Variants in CX3CL1 observed in about 807,000 individuals in gnomAD.
CX3CL1 encodes fractalkine.
In CX3CL1, 1 loss-of-function variant was observed where a neutral mutation model predicts 14.1. The ratio of observed to expected loss-of-function variants is 0.07; its 90% CI spans 0.03 to 0.34. CX3CL1 has a LOEUF of 0.34. Among genes scored for constraint, CX3CL1 ranks in the 10% least tolerant of loss-of-function variants. CX3CL1 has a pLI of 0.99. For synonymous variants in CX3CL1, 255 were observed against 229.6 expected (o/e 1.11, Z -1.00); for missense variants, 505 against 536.4 (o/e 0.94, Z 0.58).
At chr16:57,372,772 G>A (rs573899501) in intron 1 of CX3CL1, 134 bp downstream of exon 1, 1 of 809,414 alleles carries the variant, frequency 1.2e-6, no homozygotes, top group Admixed American at 2.4e-5. Flanking sequence ...CTTCCCCAGG[G>A]ATGTGCGAGA....
intron 1 of CX3CL1, among the ~76,000 whole-genome samples, chr16:57,374,966 C>T (rs1441230242): frequency 6.6e-6 from 1 of 151,974 alleles, no homozygotes; most frequent in East Asian, 1.9e-4. Context: ...CATCATGAAA[C>T]CCTGTCTCTA....
At chr16:57,375,461 G>A (rs1331864346) in intron 1 of CX3CL1, among the ~76,000 whole-genome samples, 3 of 152,146 alleles carry the variant, frequency 2.0e-5, no homozygotes, top group Non-Finnish European at 4.4e-5. Flanking sequence ...TATAGTACCC[G>A]GGACAGCCCC....
At chr16:57,381,702 A>T (rs1259145909) in intron 2 of CX3CL1, among the ~76,000 whole-genome samples, 1 of 152,182 alleles carries the variant, frequency 6.6e-6, no homozygotes, top group Non-Finnish European at 1.5e-5. Context: ...TAGGGTGATC[A>T]ACTCGTCCGT....
rs1443177506 is a variant in CX3CL1, at chr16:57,383,151, G to C, written c.*119G>C. On this transcript the variant is annotated 3_prime_UTR_variant, in exon 3 of 3. Coordinates refer to ENST00000006053, the MANE Select transcript of CX3CL1 (RefSeq NM_002996.6). Reference sequence around the variant, plus strand: ...TGGGATGATTGGAGGGGGGAGGTGGGATCCTCCAGGTGCACAAGCTCCAAG... The same window carrying C: ...TGGGATGATTGGAGGGGGGAGGTGGCATCCTCCAGGTGCACAAGCTCCAAG... 8.6e-6 allele frequency: 8 copies of C among 931,478 alleles called. No homozygotes were observed. The highest frequency in any genetic ancestry group is 1.0e-5 in the Non-Finnish European group (7 of 685,376). 57.7% of individuals were successfully genotyped at this position (931,478 alleles called of 1,614,324 possible). A position where few individuals can be genotyped will look rare whatever the true frequency, so the allele number is the denominator to read the frequency against.
Position 57,372,842 on chromosome 16 carries a change from G to A in CX3CL1, c.70+204G>A, listed in dbSNP as rs558286943. Among the ~76,000 whole-genome samples the A allele has an allele frequency of 3.9e-5, 6 of 152,176 alleles. No homozygotes were observed. In the East Asian group the frequency reaches 7.7e-4, roughly 20 times the overall value. On this transcript the variant is annotated intron_variant, in intron 1 of 2. Transcript: ENST00000006053. ...GCTGGACAGATTTCCAGTTGCCAGC[G>A]ACCGCCCTGCCTGGCCCAGCGAGCA...
intron 1 of CX3CL1, chr16:57,379,241 G>A (rs139041583): frequency 0.018 from 3,878 of 218,974 alleles, 155 homozygotes; most frequent in African/African-American, 0.082. Flanking sequence ...CAGGAGAATC[G>A]CTTGAATCTG....
At chr16:57,380,822 C>T (rs1254152815) in intron 2 of CX3CL1, among the ~76,000 whole-genome samples, 2 of 152,142 alleles carry the variant, frequency 1.3e-5, no homozygotes. Flanking sequence ...CTAAAGCAGC[C>T]TCAGCCAGAC....
Position 57,383,046 on chromosome 16 carries a change from G to A in CX3CL1, c.*14G>A, listed in dbSNP as rs755021939. 2 of 1,398,512 alleles carry A rather than the reference G, an allele frequency of 1.4e-6. No homozygotes were observed. Among genetic ancestry groups the A allele is most frequent in the South Asian group, 2.0e-5 (1 of 49,680 alleles). The allele number at this position is 1,398,512 out of a possible 1,614,324, so 86.6% of individuals were successfully genotyped here. On this transcript the variant is annotated 3_prime_UTR_variant, in exon 3 of 3. Coordinates refer to ENST00000006053, the MANE Select transcript of CX3CL1 (RefSeq NM_002996.6). ...GTGCCCGTGTGAACTCCTCTGGCCTGTGTCTAGTTGTTTGATTCAGACAGC... is the reference window on the plus strand; with the variant it reads ...GTGCCCGTGTGAACTCCTCTGGCCTATGTCTAGTTGTTTGATTCAGACAGC...
rs1902329883 is a variant in CX3CL1, at chr16:57,382,157, A to G, written c.319A>G (p.Ile107Val). ...AAATGGCGGCACCTTCGAGAAGCAGATCGGCGAGGTGAAGCCCAGGACCAC... is the reference window on the plus strand; with the variant it reads ...AAATGGCGGCACCTTCGAGAAGCAGGTCGGCGAGGTGAAGCCCAGGACCAC... ...TRNGGTFEKQ[I>V]GEVKPRTTPA... is the part of the protein sequence containing the mutation. Residue 107 changes from isoleucine (I) to valine (V), a missense_variant, in exon 3 of 3, where the codon ATC (isoleucine) becomes GTC (valine). Transcript: ENST00000006053. This position sits in a 1 kb window ranked among gnomAD's most constrained non-coding sequence, Gnocchi z 6.9. 1 of 1,613,868 alleles carries G rather than the reference A, an allele frequency of 6.2e-7. No individual in the cohort carries two copies. Among genetic ancestry groups the G allele is most frequent in the Admixed American group, 1.7e-5 (1 of 60,018 alleles).
At chr16:57,379,598 G>T (rs1902291360) in intron 1 of CX3CL1, 36 bp from the exon 2 acceptor site, 1 of 1,613,778 alleles carries the variant, frequency 6.2e-7, no homozygotes, top group South Asian at 1.1e-5. Flanking sequence ...GATGCCCACA[G>T]ACATCCCTGC....
intron 1 of CX3CL1, chr16:57,378,529 TCTC>T (rs1902275237): frequency 6.6e-6 from 1 of 151,530 alleles, no homozygotes; most frequent in Non-Finnish European, 1.5e-5. Flanking sequence ...AGTGGTATGA[TCTC>T]AGCTCACTGC....
chr16:57,381,410 A>G (rs1902317961), intron 2 of CX3CL1, among the ~76,000 whole-genome samples: 1 of 152,162 alleles, frequency 6.6e-6, no homozygotes. Flanking sequence ...GCCCGTGAAC[A>G]CACATCAGGA....
chr16:57,382,558 T>G lies in CX3CL1; in HGVS notation c.720T>G (p.Ala240=). The G allele has an allele frequency of 6.2e-7, 1 of 1,613,902 alleles. No homozygotes were observed. Among genetic ancestry groups the G allele is most frequent in the South Asian group, 1.1e-5 (1 of 91,084 alleles). The stretch of plus-strand genomic sequence containing the variant: ...CCTCCCCAGCCCCAGAGGAGAATGC[T>G]CCGTCTGAAGGCCAGCGTGTGTGGG... ...TASSPAPEEN[A]PSEGQRVWGQ... Residue 240 remains alanine, a synonymous_variant, in exon 3 of 3, where the codon GCT becomes GCG. Transcript: ENST00000006053. This position sits in a 1 kb window ranked among gnomAD's most constrained non-coding sequence, Gnocchi z 6.9.
In CX3CL1 at chr16:57,382,623, GGGA is replaced by G. The variant is rs1189145348; in HGVS notation, c.790_792del (p.Glu264del). 11 of 1,613,732 alleles carry G rather than the reference GGGA, an allele frequency of 6.8e-6. No individual in the cohort carries two copies. The African/African-American group carries it at 1.3e-4, about 20-fold the overall frequency. On this transcript the variant is annotated inframe_deletion, in exon 3 of 3. Transcript: ENST00000006053. This position sits in a 1 kb window ranked among gnomAD's most constrained non-coding sequence, Gnocchi z 6.9. ...CCCAGGCCAGAGAACTCTCTGGAGC[GGGA>G]GGAGATGGGTCCCGTGCCAGCGCAC...
In CX3CL1 at chr16:57,382,988, C is replaced by T. The variant is rs372821062; in HGVS notation, c.1150C>T (p.Pro384Ser). Residue 384 changes from proline to serine, a missense_variant, in exon 3 of 3, where the codon CCC becomes TCC. By Grantham distance (74) the Pro-to-Ser change is moderately conservative. Transcript: ENST00000006053. This position sits in a 1 kb window ranked among gnomAD's most constrained non-coding sequence, Gnocchi z 6.9. Reference sequence around the variant, plus strand: ...GATGGCGGAGGGCCTTCGCTACATCCCCCGGAGCTGTGGTAGTAATTCATA... The same window carrying T: ...GATGGCGGAGGGCCTTCGCTACATCTCCCGGAGCTGTGGTAGTAATTCATA... ...GEMAEGLRYI[P>S]RSCGSNSYVL... 3.2e-5 allele frequency: 48 copies of T among 1,501,518 alleles called. No homozygotes were observed. Among genetic ancestry groups the T allele is most frequent in the Non-Finnish European group, 4.3e-5 (48 of 1,122,732 alleles). 93.0% of individuals were successfully genotyped at this position (1,501,518 alleles called of 1,614,324 possible). A position where few individuals can be genotyped will look rare whatever the true frequency, so the allele number is the denominator to read the frequency against.
chr16:57,384,967 G>A lies in CX3CL1; in HGVS notation c.*1935G>A, dbSNP rs1195853186. The A allele has an allele frequency of 6.6e-6, 1 of 152,214 alleles. No individual in the cohort carries two copies. The highest frequency in any genetic ancestry group is 1.5e-5 in the Non-Finnish European group (1 of 68,032). The allele number at this position is 152,214 out of a possible 1,614,324, so 9.4% of individuals were successfully genotyped here. A position where few individuals can be genotyped will look rare whatever the true frequency, so the allele number is the denominator to read the frequency against. On this transcript the variant is annotated 3_prime_UTR_variant, in exon 3 of 3. Transcript: ENST00000006053. ...ACTTTGGAAAGAGTAGGAAGACTTTGGAAAGACTTTTCCAACCCTCATCAC... is the reference window on the plus strand; with the variant it reads ...ACTTTGGAAAGAGTAGGAAGACTTTAGAAAGACTTTTCCAACCCTCATCAC...
chr16:57,381,952 G>T, intron 2 of CX3CL1, 78 bp from the exon 3 acceptor site: 1 of 1,451,752 alleles, frequency 6.9e-7, no homozygotes. Context: ...CAGAGTATTG[G>T]TGCTGTGCCC....
Position 57,382,390 on chromosome 16 carries a change from G to A in CX3CL1, c.552G>A (p.Glu184=). 6.2e-7 allele frequency: 1 copy of A among 1,611,848 alleles called. No individual in the cohort carries two copies. The highest frequency in any genetic ancestry group is 8.5e-7 in the Non-Finnish European group (1 of 1,179,964). Residue 184 remains glutamate, a synonymous_variant, in exon 3 of 3, where the codon GAG becomes GAA. Coordinates refer to ENST00000006053, the MANE Select transcript of CX3CL1 (RefSeq NM_002996.6). This position sits in a 1 kb window ranked among gnomAD's most constrained non-coding sequence, Gnocchi z 6.9. ...AGGATGGAGGGCCTGTGGGCACGGA[G>A]CTTTTCCGAGTGCCTCCCGTCTCCA... ...KAQDGGPVGT[E]LFRVPPVSTA... is the part of the protein sequence containing the mutation.
In CX3CL1 at chr16:57,382,101, A is replaced by G; in HGVS notation, c.263A>G (p.His88Arg). 1 of 1,613,966 alleles carries G rather than the reference A, an allele frequency of 6.2e-7. No individual in the cohort carries two copies. Among genetic ancestry groups the G allele is most frequent in the South Asian group, 1.1e-5 (1 of 91,054 alleles). Residue 88 changes from histidine to arginine, a missense_variant, in exon 3 of 3, where the codon CAT becomes CGT. By Grantham distance (29) the His-to-Arg change is conservative. Coordinates refer to ENST00000006053, the MANE Select transcript of CX3CL1 (RefSeq NM_002996.6). The surrounding 1 kb of genome is among the most constrained non-coding windows in gnomAD (Gnocchi z 6.9). ...CAATGGGTCAAGGACGCGATGCAGC[A>G]TCTGGACCGCCAGGCTGCTGCCCTA... is the stretch of plus-strand genomic sequence containing the variant. ...KEQWVKDAMQ[H>R]LDRQAAALTR...
Sources: gnomAD v4.1 joint callset for allele counts (sites outside exome capture counted in the v4.1 genomes callset) on GRCh38, gnomAD v4.1.1 for gene constraint, Gnocchi (gnomAD v3.1) non-coding constraint, MANE v1.5 for transcripts, NCBI Gene and HGNC (gene_info 2026-07-23, HGNC 2026-07-21) for gene names.